Variants in MAJIN observed in about 807,000 individuals in gnomAD.
MAJIN encodes membrane-anchored junction protein.
In MAJIN, 27 loss-of-function variants were observed where a neutral mutation model predicts 30.2. That is an observed-to-expected ratio of 0.89 (90% CI 0.66 to 1.23). The LOEUF is 1.23. MAJIN is among the 50% of genes most tolerant of loss of function. The pLI, the probability that MAJIN is intolerant of heterozygous loss-of-function variation, is 0.00. For synonymous variants in MAJIN, 78 were observed against 91.6 expected, an observed-to-expected ratio of 0.85 and a Z score of 0.85; for missense variants, 253 against 260.3, an observed-to-expected ratio of 0.97 and a Z score of 0.19.
chr11:64,967,768 A>G (rs949895230), intron 1 of MAJIN, among the ~76,000 whole-genome samples: 1 of 152,218 alleles, frequency 6.6e-6, no homozygotes, highest in African/African-American at 2.4e-5. Flanking sequence ...TCTGGGCACT[A>G]ATATGGTAAG....
At position 64,939,708 on chromosome 11, in the gene MAJIN, G is replaced by A. The variant is rs761571890; in HGVS notation, c.606C>T (p.His202=). ...GTGGCTGCTCGCTCCTTAGGTGGAG[G>A]TGAGTTGTGCTGCAGGGGTGGGACA... is the stretch of plus-strand genomic sequence containing the variant. ...GELSHPCSTT[H]LHLRSEQPPA... The change falls in exon 10 of 11, where the codon CAC becomes CAT. Residue 202 remains histidine (H), a synonymous_variant. Coordinates refer to ENST00000301896, the MANE Select transcript of MAJIN (RefSeq NM_001037225.3). 12 of 1,614,146 alleles carry A rather than the reference G, an allele frequency of 7.4e-6. No homozygotes were observed. In the Admixed American group the frequency reaches 1.2e-4, roughly 16 times the overall value.
At chr11:64,940,835 C>CTTTTTTTTTTTTTTTTTTTTT (rs1168979344) in intron 8 of MAJIN, among the ~76,000 whole-genome samples, 189 bp from the exon 9 acceptor site, 22 of 88,562 alleles carry the variant, frequency 2.5e-4, no homozygotes, top group South Asian at 4.6e-4. Context: ...TTTTTTCTTT[C>CTTTTTTTTTTTTTTTTTTTTT]TTTTTTTTTT....
intron 3 of MAJIN, among the ~76,000 whole-genome samples, chr11:64,958,318 A>G (rs1027055509): frequency 1.3e-5 from 2 of 152,158 alleles, no homozygotes; most frequent in Admixed American, 1.3e-4. Context: ...GTCCTTAATA[A>G]TTTTAAAGAG....
chr11:64,940,721 G>C, intron 8 of MAJIN, 75 bp from the exon 9 acceptor site: 1 of 1,366,672 alleles, frequency 7.3e-7, no homozygotes, highest in Non-Finnish European at 1.0e-6. Flanking sequence ...CTATTTGCTG[G>C]TGAACTGATT....
At chr11:64,943,386 A>T (rs1945406170) in intron 8 of MAJIN, among the ~76,000 whole-genome samples, 1 of 152,238 alleles carries the variant, frequency 6.6e-6, no homozygotes, top group Non-Finnish European at 1.5e-5. Context: ...AAACAGAGGT[A>T]CGTGTTATAT....
intron 3 of MAJIN, 43 bp from the exon 4 acceptor site, chr11:64,954,845 A>C: frequency 1.3e-6 from 2 of 1,546,160 alleles, no homozygotes; most frequent in South Asian, 1.2e-5. Context: ...CATGAAGGAA[A>C]GCTCTGGAGA....
At chr11:64,969,343 T>C (rs899177380) in intron 1 of MAJIN, among the ~76,000 whole-genome samples, 2 of 151,900 alleles carry the variant, frequency 1.3e-5, no homozygotes, top group African/African-American at 4.8e-5. Context: ...GAATAGATGA[T>C]GAGATCATCC....
chr11:64,939,531 A>C (rs1027007087), intron 10 of MAJIN, 131 bp downstream of exon 10: 3 of 740,812 alleles, frequency 4.0e-6, no homozygotes, highest in Non-Finnish European at 4.4e-6. Context: ...CATTTCCATC[A>C]TCTATCCTAG....
intron 8 of MAJIN, 130 bp from the exon 9 acceptor site, chr11:64,940,776 C>A: frequency 1.2e-5 from 7 of 566,976 alleles, no homozygotes; most frequent in Admixed American, 2.9e-5. Context: ...TAGACAGGTT[C>A]TATATTTCTT....
At chr11:64,943,866 C>T (rs1289834611) in intron 8 of MAJIN, among the ~76,000 whole-genome samples, 1 of 152,010 alleles carries the variant, frequency 6.6e-6, no homozygotes, top group African/African-American at 2.4e-5. Flanking sequence ...GCTTCAAGTA[C>T]TCCTCATGTA....
intron 4 of MAJIN, among the ~76,000 whole-genome samples, chr11:64,952,090 T>C (rs747010668): frequency 5.3e-5 from 8 of 152,126 alleles, no homozygotes; most frequent in Non-Finnish European, 1.2e-4. Context: ...GGTTTCGCCA[T>C]GTTGTCCAGG....
intron 4 of MAJIN, among the ~76,000 whole-genome samples, chr11:64,952,790 C>T (rs542044659): frequency 7.2e-5 from 11 of 151,800 alleles, no homozygotes; most frequent in Non-Finnish European, 1.5e-4. Flanking sequence ...CTGCAACCTC[C>T]GCCTCCCAGG....
chr11:64,939,701 G>A lies in MAJIN; in HGVS notation c.613C>T (p.Leu205=), dbSNP rs1321577560. ...GAAGCCGGTGGCTGCTCGCTCCTTA[G>A]GTGGAGGTGAGTTGTGCTGCAGGGG... ...SHPCSTTHLH[L]RSEQPPASLG... Residue 205 remains leucine, a synonymous_variant, in exon 10 of 11, where the codon CTA becomes TTA. Transcript: ENST00000301896. 6.2e-7 allele frequency: 1 copy of A among 1,614,122 alleles called. No individual in the cohort carries two copies. Among genetic ancestry groups the A allele is most frequent in the South Asian group, 1.1e-5 (1 of 91,078 alleles).
At chr11:64,950,571 C>T (rs1945536323) in intron 4 of MAJIN, 141 bp from the exon 5 acceptor site, 1 of 698,450 alleles carries the variant, frequency 1.4e-6, no homozygotes. Context: ...TCTGATTCTC[C>T]ATTTCTTTTT....
chr11:64,959,825 G>A (rs1945695589), intron 2 of MAJIN, among the ~76,000 whole-genome samples: 1 of 152,118 alleles, frequency 6.6e-6, no homozygotes, highest in Admixed American at 6.6e-5. Flanking sequence ...ATACAGAGAG[G>A]GCTCAAGTTA....
chr11:64,966,145 G>GAAAAAAA (rs58387921), intron 1 of MAJIN, among the ~76,000 whole-genome samples: 24,142 of 56,792 alleles, frequency 0.43, 6,657 homozygotes, highest in Non-Finnish European at 0.52. Flanking sequence ...GATTAAAAAT[G>GAAAAAAA]AAAAAAAAAA....
At chr11:64,947,870 T>A (rs2136743710) in intron 6 of MAJIN, 51 bp from the exon 7 acceptor site, 1 of 1,549,716 alleles carries the variant, frequency 6.5e-7, no homozygotes, top group African/African-American at 1.4e-5. Context: ...TTTTTTTTTT[T>A]TTTTTTGGAG....
At chr11:64,956,451 T>G (rs1433448345) in intron 3 of MAJIN, among the ~76,000 whole-genome samples, 1 of 152,074 alleles carries the variant, frequency 6.6e-6, no homozygotes, top group East Asian at 1.9e-4. Flanking sequence ...ATCGCACCAT[T>G]GCACTCCAGC....
intron 1 of MAJIN, among the ~76,000 whole-genome samples, chr11:64,968,573 G>A (rs1945847454): frequency 6.6e-6 from 1 of 151,820 alleles, no homozygotes; most frequent in Admixed American, 6.6e-5. Flanking sequence ...GGTGGCTCAC[G>A]CCTGTAATCC....
Sources: allele counts gnomAD v4.1 joint callset (sites outside exome capture counted in the v4.1 genomes callset), GRCh38; gene constraint gnomAD v4.1.1; transcripts MANE v1.5; gene names NCBI Gene and HGNC (gene_info 2026-07-23, HGNC 2026-07-21).